Variants in PIK3R5 observed in about 807,000 individuals in gnomAD.
PIK3R5 encodes the protein phosphoinositide-3-kinase regulatory subunit 5, also known as phosphoinositide 3-kinase regulatory subunit 5.
A neutral mutation model predicts 94.9 loss-of-function variants in PIK3R5; 32 were observed. That is an observed-to-expected ratio of 0.34 (90% CI 0.25 to 0.45). PIK3R5 has a LOEUF of 0.45. PIK3R5 is among the 20% of genes least tolerant of loss of function. The pLI is 1.00. For synonymous variants in PIK3R5, 443 were observed against 479.4 expected (o/e 0.92, Z 0.99); for missense variants, 853 against 1,144.6 (o/e 0.75, Z 3.68).
intron 1 of PIK3R5, among the ~76,000 whole-genome samples, chr17:8,924,361 G>A (rs971041147): frequency 2.0e-5 from 3 of 151,698 alleles, no homozygotes; most frequent in Admixed American, 6.6e-5. Flanking sequence ...TTACAGGCGT[G>A]AGCCACCTGC....
chr17:8,906,753 C>T (rs1468118598), intron 3 of PIK3R5, among the ~76,000 whole-genome samples: 1 of 151,934 alleles, frequency 6.6e-6, no homozygotes, highest in African/African-American at 2.4e-5. Context: ...CACAGTGGCG[C>T]ACACCTGTAA....
intron 1 of PIK3R5, among the ~76,000 whole-genome samples, chr17:8,951,761 A>ATCTATG (rs2091381432): frequency 6.6e-6 from 1 of 152,276 alleles, no homozygotes; most frequent in South Asian, 2.1e-4. Flanking sequence ...GATAAAGAAC[A>ATCTATG]TCTATGTAAC....
chr17:8,881,587 A>AAGTC lies in PIK3R5; in HGVS notation c.2382+39_2382+42dup. ...CACATACGCACATGCACGCTCCAGT[A>AAGTC]AGTCTCTTGAGGGTATGGCTGGAAG... On this transcript the variant is annotated intron_variant, in intron 17 of 18. Coordinates refer to ENST00000447110, the MANE Select transcript of PIK3R5 (RefSeq NM_001142633.3). The surrounding 1 kb of genome is among the most constrained non-coding windows in gnomAD (Gnocchi z 4.8). 7.9e-6 allele frequency: 12 copies of AAGTC among 1,511,884 alleles called. No individual in the cohort carries two copies. The highest frequency in any genetic ancestry group is 1.1e-5 in the Non-Finnish European group (12 of 1,093,900). 93.7% of individuals were successfully genotyped at this position (1,511,884 alleles called of 1,614,324 possible).
intron 1 of PIK3R5, among the ~76,000 whole-genome samples, chr17:8,931,233 T>C (rs2090981436): frequency 6.6e-6 from 1 of 152,204 alleles, no homozygotes. Flanking sequence ...AAAAACTTTA[T>C]TTTTTAAAAT....
intron 1 of PIK3R5, among the ~76,000 whole-genome samples, chr17:8,941,010 G>C (rs556354086): frequency 6.6e-6 from 1 of 152,118 alleles, no homozygotes; most frequent in Non-Finnish European, 1.5e-5. Flanking sequence ...AAAGAAATGA[G>C]GGCCCCTCCA....
intron 1 of PIK3R5, among the ~76,000 whole-genome samples, chr17:8,956,116 G>A (rs751056802): frequency 2.8e-4 from 42 of 152,046 alleles, no homozygotes; most frequent in African/African-American, 8.9e-4. Flanking sequence ...ATCTGTGATC[G>A]TGCCACTGTA....
rs2090475126 is a variant in PIK3R5, at chr17:8,909,412, C to T, written c.104-238G>A. On this transcript the variant is annotated intron_variant, in intron 2 of 18. Transcript: ENST00000447110. This position sits in a 1 kb window ranked among gnomAD's most constrained non-coding sequence, Gnocchi z 4.3. ...TCAAGCGATTCCCCTGCCTCAGCCT[C>T]CCAAGTAGCTGGGATTACAGGCACG... Among the ~76,000 whole-genome samples, 1 of 152,124 alleles carries T rather than the reference C, an allele frequency of 6.6e-6. No individual in the cohort carries two copies. Among genetic ancestry groups the T allele is most frequent in the Non-Finnish European group, 1.5e-5 (1 of 68,026 alleles).
intron 1 of PIK3R5, among the ~76,000 whole-genome samples, chr17:8,963,272 G>A (rs1030114563): frequency 6.6e-6 from 1 of 152,218 alleles, no homozygotes; most frequent in Non-Finnish European, 1.5e-5. Context: ...TTGAAGAAAG[G>A]CCAAGTCAGC....
intron 1 of PIK3R5, among the ~76,000 whole-genome samples, chr17:8,942,858 G>A (rs1162926651): frequency 2.6e-5 from 4 of 151,692 alleles, no homozygotes; most frequent in South Asian, 2.1e-4. Context: ...CGCCCGCCTC[G>A]GCCTCCCAAA....
chr17:8,946,011 C>A (rs1458619021), intron 1 of PIK3R5, among the ~76,000 whole-genome samples: 2 of 152,148 alleles, frequency 1.3e-5, no homozygotes, highest in Non-Finnish European at 2.9e-5. Flanking sequence ...CAGTTACCAG[C>A]CGTTTGATCT....
At chr17:8,921,471 C>G (rs1282289394) in intron 1 of PIK3R5, among the ~76,000 whole-genome samples, 2 of 152,000 alleles carry the variant, frequency 1.3e-5, no homozygotes, top group Non-Finnish European at 2.9e-5. Context: ...TAATTTTTCA[C>G]CCTCGAAATG....
In PIK3R5 at chr17:8,909,813, T is replaced by C. The variant is rs2090484349; in HGVS notation, c.104-639A>G. The stretch of plus-strand genomic sequence containing the variant: ...CTCCCACAACCTCTCCTGCCCTGGT[T>C]TCCTACAGTGGGTTCTGGTACCTAT... On this transcript the variant is annotated intron_variant, in intron 2 of 18. Coordinates refer to ENST00000447110, the MANE Select transcript of PIK3R5 (RefSeq NM_001142633.3). The surrounding 1 kb of genome is among the most constrained non-coding windows in gnomAD (Gnocchi z 4.3). Among the ~76,000 whole-genome samples the C allele has an allele frequency of 6.6e-6, 1 of 152,172 alleles. No individual in the cohort carries two copies. The highest frequency in any genetic ancestry group is 1.5e-5 in the Non-Finnish European group (1 of 68,024).
chr17:8,918,526 T>G (rs78478505), intron 1 of PIK3R5, among the ~76,000 whole-genome samples: 4,516 of 152,110 alleles, frequency 0.03, 206 homozygotes, highest in East Asian at 0.14. Context: ...AATAAAAACA[T>G]AAATGGAGGA....
At chr17:8,944,175 T>C (rs2091235279) in intron 1 of PIK3R5, among the ~76,000 whole-genome samples, 1 of 152,222 alleles carries the variant, frequency 6.6e-6, no homozygotes, top group Non-Finnish European at 1.5e-5. Context: ...TTGCTAAGAA[T>C]AACAGACATC....
intron 1 of PIK3R5, among the ~76,000 whole-genome samples, chr17:8,954,044 T>C (rs12453081): frequency 0.69 from 104,530 of 151,070 alleles, 38,162 homozygotes; most frequent in Non-Finnish European, 0.82. Flanking sequence ...CCCCAGAAAG[T>C]GCTCTTTCCT....
chr17:8,914,048 C>T (rs1334384625), intron 1 of PIK3R5, among the ~76,000 whole-genome samples: 4 of 152,224 alleles, frequency 2.6e-5, no homozygotes, highest in Non-Finnish European at 2.9e-5. Context: ...CCTATTCCAG[C>T]TCAGGGCTAA....
intron 1 of PIK3R5, among the ~76,000 whole-genome samples, chr17:8,920,864 G>A (rs1166677890): frequency 1.6e-5 from 2 of 122,904 alleles, no homozygotes; most frequent in African/African-American, 6.5e-5. Flanking sequence ...TTTTTGAGAT[G>A]GAGTTTCGCT....
At chr17:8,938,162 G>C (rs1431323825) in intron 1 of PIK3R5, among the ~76,000 whole-genome samples, 1 of 152,134 alleles carries the variant, frequency 6.6e-6, no homozygotes, top group Non-Finnish European at 1.5e-5. Flanking sequence ...ATCTGGGCCT[G>C]AAACTTTTTT....
At chr17:8,915,327 G>C (rs1337593198) in intron 1 of PIK3R5, among the ~76,000 whole-genome samples, 1 of 151,872 alleles carries the variant, frequency 6.6e-6, no homozygotes, top group Non-Finnish European at 1.5e-5. Context: ...GGGAGGCTGA[G>C]GCATGAGAAT....
Sources: gnomAD v4.1 joint callset for allele counts (sites outside exome capture counted in the v4.1 genomes callset) on GRCh38, gnomAD v4.1.1 for gene constraint, Gnocchi (gnomAD v3.1) non-coding constraint, MANE v1.5 for transcripts, NCBI Gene and HGNC (gene_info 2026-07-23, HGNC 2026-07-21) for gene names.